Variants in ADARB2 observed in about 807,000 individuals in gnomAD.
ADARB2 encodes inactive double-stranded RNA-specific editase B2.
ADARB2 carries 25 observed loss-of-function variants against 62.2 expected under a neutral mutation model. The observed-to-expected ratio is 0.40, with a 90% confidence interval of 0.29 to 0.56. ADARB2 has a LOEUF of 0.56. ADARB2 is among the 20% of genes least tolerant of loss of function. The probability of loss-of-function intolerance (pLI) is 0.43; values close to 1 mark genes in which losing one functional copy is unlikely to be tolerated. For missense variants in ADARB2, 1,071 were observed against 1,077.4 expected (o/e 0.99, Z 0.08); for synonymous variants, 572 against 500.8 (o/e 1.14, Z -1.90).
intron 8 of ADARB2, 126 bp downstream of exon 8, chr10:1,199,840 C>T: frequency 9.7e-7 from 1 of 1,027,148 alleles, no homozygotes; most frequent in Non-Finnish European, 1.4e-6. Context: ...GGACTTTGCC[C>T]ATTAAATCCT....
At chr10:1,476,379 G>C (rs1325314408) in intron 1 of ADARB2, among the ~76,000 whole-genome samples, 1 of 152,202 alleles carries the variant, frequency 6.6e-6, no homozygotes, top group Non-Finnish European at 1.5e-5. Flanking sequence ...TGGGCTGAGT[G>C]GGAAGAAGGC....
chr10:1,427,966 A>AT (rs1308185342), intron 1 of ADARB2, among the ~76,000 whole-genome samples: 1,615 of 144,502 alleles, frequency 0.011, 16 homozygotes, highest in Non-Finnish European at 0.015. Context: ...AGCCAGTCCC[A>AT]TTTTTTTTTT....
At chr10:1,479,259 A>G (rs1263434655) in intron 1 of ADARB2, among the ~76,000 whole-genome samples, 1 of 152,212 alleles carries the variant, frequency 6.6e-6, no homozygotes, top group African/African-American at 2.4e-5. Flanking sequence ...TACAGACCAG[A>G]ACCCAGGCAA....
chr10:1,330,608 C>T (rs567206570), intron 3 of ADARB2, among the ~76,000 whole-genome samples: 5 of 152,282 alleles, frequency 3.3e-5, no homozygotes, highest in South Asian at 2.1e-4. Context: ...TTCTACTCAA[C>T]GTTGCACTGA....
intron 1 of ADARB2, 44 bp downstream of exon 1, chr10:1,737,007 G>T: frequency 6.3e-7 from 1 of 1,596,044 alleles, no homozygotes. Context: ...TGGAGAAGCC[G>T]GGGGTGAAGG....
intron 1 of ADARB2, among the ~76,000 whole-genome samples, chr10:1,516,348 G>A (rs749904221): frequency 2.6e-5 from 4 of 152,196 alleles, no homozygotes; most frequent in Non-Finnish European, 4.4e-5. Flanking sequence ...CAACAGAGGC[G>A]GCTTTCCCTG....
At chr10:1,685,886 G>T (rs2119121129) in intron 1 of ADARB2, among the ~76,000 whole-genome samples, 2 of 152,318 alleles carry the variant, frequency 1.3e-5, no homozygotes, top group Middle Eastern at 6.8e-3. Flanking sequence ...GGGAGGCTGA[G>T]TATGTGCAGG....
chr10:1,737,069 GCCTCCT>G lies in ADARB2; in HGVS notation c.76_81del (p.Arg28_Arg29del). On this transcript the variant is annotated inframe_deletion, in exon 1 of 10. Coordinates refer to ENST00000381312, the MANE Select transcript of ADARB2 (RefSeq NM_018702.4). The stretch of plus-strand genomic sequence containing the variant: ...TCCTTACCTTTCCGCTTGGACCTCC[GCCTCCT>G]CCTCCTCTTGGACTTGCATTTGAGT... 1.9e-6 allele frequency: 3 copies of G among 1,611,654 alleles called. No homozygotes were observed. Among genetic ancestry groups the G allele is most frequent in the South Asian group, 1.1e-5 (1 of 91,084 alleles).
intron 3 of ADARB2, among the ~76,000 whole-genome samples, chr10:1,308,060 C>A (rs1831647849): frequency 7.0e-6 from 1 of 143,376 alleles, no homozygotes; most frequent in African/African-American, 2.5e-5. Flanking sequence ...TGCACATGTA[C>A]CCTAAAACTT....
In ADARB2 at chr10:1,557,238, C is replaced by T. The variant is rs1832718505; in HGVS notation, c.101-178078G>A. On this transcript the variant is annotated intron_variant, in intron 1 of 9. Coordinates refer to ENST00000381312, the MANE Select transcript of ADARB2 (RefSeq NM_018702.4). The stretch of plus-strand genomic sequence containing the variant: ...TGCCCCCATCTTTGCCCAGCCACCA[C>T]CTCGTCTGACTCCCCGTCCTCCCCT... 2.3e-4 allele frequency among the ~76,000 whole-genome samples: 5 copies of T among 21,562 alleles called. No homozygotes were observed. In the Admixed American group the frequency reaches 3.6e-3, roughly 16 times the overall value. 14.1% of individuals were successfully genotyped at this position (21,562 alleles called of 152,430 possible). A position where few individuals can be genotyped will look rare whatever the true frequency, so the allele number is the denominator to read the frequency against.
At chr10:1,563,567 CAG>C (rs1832816852) in intron 1 of ADARB2, among the ~76,000 whole-genome samples, 2 of 152,114 alleles carry the variant, frequency 1.3e-5, no homozygotes, top group South Asian at 4.1e-4. Context: ...ATGGAACAAA[CAG>C]AAGGCTGACT....
At chr10:1,603,387 T>C (rs1000543375) in intron 1 of ADARB2, among the ~76,000 whole-genome samples, 13 of 152,146 alleles carry the variant, frequency 8.5e-5, no homozygotes, top group African/African-American at 2.9e-4. Flanking sequence ...CTAAGGACCT[T>C]TGCACCTCGA....
rs1369212471 is a variant in ADARB2 at position 1,370,246 on chromosome 10, C to A, written c.188-6329G>T. On this transcript the variant is annotated intron_variant, in intron 2 of 9. Transcript: ENST00000381312. ...ATGTATAAAAGGCATTTGATAAAAT[C>A]CAACATCCCTTCATGATAAAAACTG... Among the ~76,000 whole-genome samples, 3 of 141,566 alleles carry A rather than the reference C, an allele frequency of 2.1e-5. No homozygotes were observed. In the East Asian group the frequency reaches 6.3e-4, roughly 30 times the overall value. The allele number at this position is 141,566 out of a possible 152,430, so 92.9% of individuals were successfully genotyped here.
chr10:1,361,709 A>G (rs1832257250), intron 3 of ADARB2: 1 of 152,202 alleles, frequency 6.6e-6, no homozygotes, highest in Non-Finnish European at 1.5e-5. Context: ...AGTCTCCCTG[A>G]GCAGTGTCTG....
intron 7 of ADARB2, among the ~76,000 whole-genome samples, chr10:1,213,232 CAGAG>C (rs991228326): frequency 5.8e-4 from 88 of 151,616 alleles, no homozygotes; most frequent in East Asian, 1.9e-3. Context: ...GAGAAAGAGA[CAGAG>C]AGACAAGGAC....
intron 1 of ADARB2, among the ~76,000 whole-genome samples, chr10:1,551,690 G>A (rs1400468246): frequency 6.6e-6 from 1 of 152,208 alleles, no homozygotes; most frequent in Non-Finnish European, 1.5e-5. Flanking sequence ...GAGCACCTGA[G>A]GCGCCAGGGC....
At chr10:1,534,006 C>A (rs1832286659) in intron 1 of ADARB2, among the ~76,000 whole-genome samples, 1 of 142,514 alleles carries the variant, frequency 7.0e-6, no homozygotes, top group Non-Finnish European at 1.5e-5. Flanking sequence ...GTTGAAGAGA[C>A]TGGGTTTTGA....
At chr10:1,214,034 G>A (rs1170504428) in intron 7 of ADARB2, among the ~76,000 whole-genome samples, 4 of 151,434 alleles carry the variant, frequency 2.6e-5, no homozygotes, top group Middle Eastern at 3.2e-3. Context: ...GTCCAGCGTT[G>A]TGTAGCTTTG....
At chr10:1,476,697 C>T (rs73580346) in intron 1 of ADARB2, among the ~76,000 whole-genome samples, 2,173 of 152,280 alleles carry the variant, frequency 0.014, 56 homozygotes, top group African/African-American at 0.05. Flanking sequence ...ATCGGCCTCA[C>T]GAACTCTGAT....
Sources: allele counts gnomAD v4.1 joint callset (sites outside exome capture counted in the v4.1 genomes callset), GRCh38; gene constraint gnomAD v4.1.1; transcripts MANE v1.5; gene names NCBI Gene and HGNC (gene_info 2026-07-23, HGNC 2026-07-21).